PBRM1: variants seen among roughly 807,000 people sequenced by gnomAD.
The protein encoded by PBRM1 is protein polybromo-1.
PBRM1 carries 27 observed loss-of-function variants against 194.5 expected under a neutral mutation model. That is an observed-to-expected ratio of 0.14 (90% CI 0.10 to 0.19). The LOEUF (loss-of-function observed/expected upper bound fraction) is 0.19. Ranked by LOEUF, PBRM1 falls within the 10% of genes least tolerant of loss-of-function variation. The pLI is 1.00. For synonymous variants in PBRM1, 655 were observed against 693.2 expected (o/e 0.94, Z 0.87); for missense variants, 1,466 against 2,077.2 (o/e 0.71, Z 5.72).
chr3:52,634,011 C>T (rs2095709314), intron 11 of PBRM1, among the ~76,000 whole-genome samples: 1 of 152,122 alleles, frequency 6.6e-6, no homozygotes, highest in Non-Finnish European at 1.5e-5. Context: ...AATGAATTCT[C>T]CAGGAACTGA....
At chr3:52,660,638 G>A (rs1414857857) in intron 4 of PBRM1, among the ~76,000 whole-genome samples, 6 of 151,824 alleles carry the variant, frequency 4.0e-5, no homozygotes, top group African/African-American at 1.5e-4. Flanking sequence ...TCAGCCTCCC[G>A]AGTAGCAGGG....
chr3:52,601,138 G>T (rs1011190620), intron 17 of PBRM1, among the ~76,000 whole-genome samples: 2 of 152,160 alleles, frequency 1.3e-5, no homozygotes, highest in African/African-American at 4.8e-5. Flanking sequence ...TGTATCTGTG[G>T]TGTTCGTTGG....
At chr3:52,550,427 G>C (rs765315890) in exon 29 of PBRM1, 2 of 1,448,304 alleles carry the variant, frequency 1.4e-6, no homozygotes, top group South Asian at 1.7e-5. Flanking sequence ...TTACCTGCCA[G>C]TGTCTGATCC....
chr3:52,572,726 G>A (rs1336123751), intron 22 of PBRM1, among the ~76,000 whole-genome samples: 1 of 152,066 alleles, frequency 6.6e-6, no homozygotes, highest in Non-Finnish European at 1.5e-5. Context: ...ACTGAAAAAA[G>A]AACATAACCG....
chr3:52,580,868 A>G (rs1247518526), intron 20 of PBRM1, among the ~76,000 whole-genome samples: 1 of 151,814 alleles, frequency 6.6e-6, no homozygotes. Context: ...ACTCATAAAA[A>G]CCACTTAACA....
At chr3:52,583,500 T>C (rs1005939274) in intron 20 of PBRM1, among the ~76,000 whole-genome samples, 4 of 152,156 alleles carry the variant, frequency 2.6e-5, no homozygotes, top group Non-Finnish European at 5.9e-5. Context: ...TTTTCAACTC[T>C]TGCCATCCTG....
intron 22 of PBRM1, among the ~76,000 whole-genome samples, chr3:52,570,518 A>T (rs974709066): frequency 3.9e-5 from 6 of 152,252 alleles, no homozygotes; most frequent in South Asian, 2.1e-4. Context: ...AGGAAAAAAT[A>T]ATAATTCTGC....
chr3:52,647,892 T>C (rs943992410), intron 7 of PBRM1, among the ~76,000 whole-genome samples: 3 of 151,222 alleles, frequency 2.0e-5, no homozygotes, highest in Middle Eastern at 3.4e-3. Context: ...TCCATGAATA[T>C]AATAAAAACC....
intron 10 of PBRM1, 113 bp downstream of exon 11, chr3:52,641,841 T>C: frequency 6.5e-6 from 5 of 765,498 alleles, no homozygotes. Context: ...TGCAATAAAA[T>C]AGCATGTACT....
At chr3:52,636,937 A>G (rs1325993148) in intron 10 of PBRM1, among the ~76,000 whole-genome samples, 1 of 151,988 alleles carries the variant, frequency 6.6e-6, no homozygotes. Flanking sequence ...ACCAACACAC[A>G]AGATGGGTAT....
intron 15 of PBRM1, among the ~76,000 whole-genome samples, chr3:52,611,870 C>T (rs944576351): frequency 6.6e-6 from 1 of 151,916 alleles, no homozygotes; most frequent in African/African-American, 2.4e-5. Context: ...TCAGCAAAAC[C>T]CAGACTATGG....
At chr3:52,647,917 T>TA (rs1491192645) in intron 7 of PBRM1, among the ~76,000 whole-genome samples, 1 of 64,222 alleles carries the variant, frequency 1.6e-5, no homozygotes, top group Non-Finnish European at 4.2e-5. Flanking sequence ...CATTAAATAC[T>TA]TTTTTTTTTT....
intron 22 of PBRM1, among the ~76,000 whole-genome samples, chr3:52,570,318 A>G (rs1263347581): frequency 6.6e-6 from 1 of 152,204 alleles, no homozygotes. Context: ...AGGAATGTTC[A>G]TAGCTAACAA....
At chr3:52,655,313 A>G (rs2096589313) in intron 5 of PBRM1, among the ~76,000 whole-genome samples, 1 of 152,184 alleles carries the variant, frequency 6.6e-6, no homozygotes, top group African/African-American at 2.4e-5. Flanking sequence ...TACCTCATAT[A>G]AGAAATCATA....
intron 22 of PBRM1, among the ~76,000 whole-genome samples, chr3:52,573,305 T>C (rs577379929): frequency 6.6e-6 from 1 of 152,152 alleles, no homozygotes; most frequent in East Asian, 1.9e-4. Context: ...TTTTTTTTGT[T>C]ACATAGAGTC....
intron 18 of PBRM1, among the ~76,000 whole-genome samples, chr3:52,588,552 C>CTTTTTTTT (rs36058575): frequency 1.8e-5 from 2 of 110,150 alleles, no homozygotes; most frequent in Non-Finnish European, 1.8e-5. Flanking sequence ...GTATTTCTTT[C>CTTTTTTTT]TTTTTTTTTT....
chr3:52,679,819 T>A, upstream of PBRM1: 3 of 913,848 alleles, frequency 3.3e-6, no homozygotes, highest in South Asian at 4.1e-5. Flanking sequence ...CTGGCTCACT[T>A]AGGAGGATAT....
intron 2 of PBRM1, among the ~76,000 whole-genome samples, chr3:52,670,898 A>AC (rs2096932763): frequency 6.6e-6 from 1 of 152,182 alleles, no homozygotes; most frequent in African/African-American, 2.4e-5. Context: ...AACCTTAAAG[A>AC]CCATATTTAT....
intron 13 of PBRM1, among the ~76,000 whole-genome samples, chr3:52,626,215 T>C (rs947959347): frequency 1.3e-5 from 2 of 152,196 alleles, no homozygotes; most frequent in Admixed American, 1.3e-4. Flanking sequence ...GTCCCTGGTA[T>C]AACAAGGAAT....
Sources: gnomAD v4.1 joint callset for allele counts (sites outside exome capture counted in the v4.1 genomes callset) on GRCh38, gnomAD v4.1.1 for gene constraint, MANE v1.5 for transcripts, NCBI Gene and HGNC (gene_info 2026-07-23, HGNC 2026-07-21) for gene names.